Variants in COL11A1 observed in about 807,000 individuals in gnomAD.
COL11A1 encodes the protein collagen alpha-1(XI) chain.
A neutral mutation model predicts 265.2 loss-of-function variants in COL11A1; 74 were observed. The observed-to-expected ratio is 0.28, with a 90% CI of 0.23 to 0.34. The LOEUF is 0.34. COL11A1 is among the 10% of genes least tolerant of loss of function. The pLI is 1.00. For synonymous variants in COL11A1, 816 were observed against 727.6 expected (o/e 1.12, Z -1.96); for missense variants, 2,165 against 2,263.6 (o/e 0.96, Z 0.88).
chr1:103,031,060 C>A (rs761749119), intron 5 of COL11A1, 56 bp downstream of exon 5: 1 of 1,590,424 alleles, frequency 6.3e-7, no homozygotes, highest in Non-Finnish European at 8.6e-7. Flanking sequence ...AAAAACTGCA[C>A]TGCGATGTCC....
chr1:102,981,679 T>C (rs747732107), intron 31 of COL11A1, among the ~76,000 whole-genome samples: 6 of 151,946 alleles, frequency 3.9e-5, no homozygotes, highest in Non-Finnish European at 8.8e-5. Flanking sequence ...CGTTTTTATA[T>C]GGAAACACAC....
chr1:103,039,220 C>G (rs1233432687), intron 4 of COL11A1, among the ~76,000 whole-genome samples: 1 of 152,146 alleles, frequency 6.6e-6, no homozygotes, highest in Non-Finnish European at 1.5e-5. Context: ...TTTCAAGAAT[C>G]AATAATAATT....
At chr1:102,969,138 T>C (rs1258908009) in intron 37 of COL11A1, among the ~76,000 whole-genome samples, 1 of 152,178 alleles carries the variant, frequency 6.6e-6, no homozygotes, top group Non-Finnish European at 1.5e-5. Flanking sequence ...AAATCATATT[T>C]CAATTTTGCT....
chr1:102,997,022 G>T, intron 26 of COL11A1, 58 bp downstream of exon 26: 1 of 1,423,916 alleles, frequency 7.0e-7, no homozygotes, highest in Non-Finnish European at 9.9e-7. Flanking sequence ...ACCAAATTAA[G>T]GCATTTTCTC....
Position 103,108,171 on chromosome 1 carries a change from G to T in COL11A1, c.8C>A (p.Pro3Gln). The T allele has an allele frequency of 1.9e-6, 3 of 1,613,516 alleles. No homozygotes were observed. Among genetic ancestry groups the T allele is most frequent in the East Asian group, 2.2e-5 (1 of 44,820 alleles). The change falls in exon 1 of 67, where the codon CCG becomes CAG. Residue 3 changes from proline (P) to glutamine (Q), a missense_variant. Physicochemically the swap from Pro to Gln is moderately conservative, Grantham distance 76 (BLOSUM62 -1). Coordinates refer to ENST00000370096, the MANE Select transcript of COL11A1 (RefSeq NM_001854.4). ...TTTCGTTTTCCACCTAGAGGACCAC[G>T]GCTCCATCTCCGAGCCCCGCACTCA... ME[P>Q]WSSRWKTKRW...
intron 35 of COL11A1, among the ~76,000 whole-genome samples, chr1:102,978,459 A>G (rs552257258): frequency 6.6e-6 from 1 of 152,316 alleles, no homozygotes; most frequent in Non-Finnish European, 1.5e-5. Context: ...TGTCTTGACT[A>G]TAAGAGTGAT....
chr1:103,089,807 C>A (rs1482819857), intron 1 of COL11A1, among the ~76,000 whole-genome samples: 2 of 152,168 alleles, frequency 1.3e-5, no homozygotes, highest in Admixed American at 6.5e-5. Flanking sequence ...TTGTTTGTTG[C>A]CATTGTTTGA....
Position 102,923,403 on chromosome 1 carries a change from A to G in COL11A1, c.3601-14T>C. On this transcript the variant is annotated splice_polypyrimidine_tract_variant and intron_variant, in intron 46 of 66. Coordinates refer to ENST00000370096, the MANE Select transcript of COL11A1 (RefSeq NM_001854.4). ...GCCTGGCAGACCCTAAGAAAATATA[A>G]TAGAAAAATAATAAAAGTCACTGAT... 6.4e-7 allele frequency: 1 copy of G among 1,574,708 alleles called. No homozygotes were observed.
In COL11A1 at chr1:103,008,494, G is replaced by A; in HGVS notation, c.1652C>T (p.Ala551Val). ...ACCTGGATCACCACTCTCACCTTTGGCCCCAGATGAACCAGGCCCCCCCTA... is the reference window on the plus strand; with the variant it reads ...ACCTGGATCACCACTCTCACCTTTGACCCCAGATGAACCAGGCCCCCCCTA... ...GPVGGPGSSG[A>V]KGESGDPGPQ... is the part of the protein sequence containing the mutation. Residue 551 changes from alanine to valine, a missense_variant, in exon 15 of 67, where the codon GCC (alanine) becomes GTC (valine). Physicochemically the swap from Ala to Val is moderately conservative, Grantham distance 64. Coordinates refer to ENST00000370096, the MANE Select transcript of COL11A1 (RefSeq NM_001854.4). The A allele has an allele frequency of 6.2e-7, 1 of 1,613,576 alleles. No homozygotes were observed. The highest frequency in any genetic ancestry group is 8.5e-7 in the Non-Finnish European group (1 of 1,179,798).
chr1:103,083,549 TG>T (rs1370515318), intron 1 of COL11A1, among the ~76,000 whole-genome samples: 2 of 152,140 alleles, frequency 1.3e-5, no homozygotes. Flanking sequence ...TTAGTCATTT[TG>T]TATACACAAG....
intron 37 of COL11A1, among the ~76,000 whole-genome samples, chr1:102,966,794 C>G (rs963572816): frequency 5.9e-5 from 9 of 152,134 alleles, no homozygotes; most frequent in Non-Finnish European, 1.3e-4. Flanking sequence ...CAATTGCCAT[C>G]TCTATGCTGA....
At chr1:102,882,030 G>A (rs1335638494) in intron 64 of COL11A1, among the ~76,000 whole-genome samples, 1 of 152,022 alleles carries the variant, frequency 6.6e-6, no homozygotes, top group East Asian at 1.9e-4. Flanking sequence ...AAGACAACCG[G>A]GTATAGGCAT....
chr1:103,054,755 G>C (rs1166192857), intron 4 of COL11A1, among the ~76,000 whole-genome samples: 1 of 152,030 alleles, frequency 6.6e-6, no homozygotes, highest in Admixed American at 6.6e-5. Context: ...TACAAAATTA[G>C]CCAGGCATGG....
chr1:103,028,569 CAA>C (rs1243300156), intron 5 of COL11A1, among the ~76,000 whole-genome samples: 1 of 152,042 alleles, frequency 6.6e-6, no homozygotes, highest in East Asian at 1.9e-4. Context: ...ATCAATCAGA[CAA>C]ATATATGCAA....
rs141582304 is a variant in COL11A1 at position 102,970,807 on chromosome 1, G to A, written c.2809-535C>T. ...GAGGCGGGAGGATCAAGAGGTCAGA[G>A]GATCAAGACCATTCTGACCAACATG... is the stretch of plus-strand genomic sequence containing the variant. On this transcript the variant is annotated intron_variant, in intron 36 of 66. Transcript: ENST00000370096. 1.4e-3 allele frequency among the ~76,000 whole-genome samples: 218 copies of A among 151,988 alleles called. 1 individual carries two copies. Among genetic ancestry groups the A allele is most frequent in the African/African-American group, 5.1e-3 (210 of 41,450 alleles).
chr1:102,944,515 A>G lies in COL11A1; in HGVS notation c.3276+2334T>C, dbSNP rs532748409. Among the ~76,000 whole-genome samples, 10 of 152,218 alleles carry G rather than the reference A, an allele frequency of 6.6e-5. No homozygotes were observed. The East Asian group carries it at 1.9e-3, about 29-fold the overall frequency. On this transcript the variant is annotated intron_variant, in intron 42 of 66. Transcript: ENST00000370096. Reference sequence around the variant, plus strand: ...CTGAAAGAGGATGGGGAAGCAAGGCATTCCCTTTTCCCTTCTCTAGTTATG... The same window carrying G: ...CTGAAAGAGGATGGGGAAGCAAGGCGTTCCCTTTTCCCTTCTCTAGTTATG...
In COL11A1 at chr1:102,965,508, T is replaced by G; in HGVS notation, c.2895A>C (p.Pro965=). The G allele has an allele frequency of 6.2e-7, 1 of 1,613,702 alleles. No individual in the cohort carries two copies. Among genetic ancestry groups the G allele is most frequent in the South Asian group, 1.1e-5 (1 of 91,066 alleles). The change falls in exon 38 of 67, where the codon CCA becomes CCC. Residue 965 remains proline, a synonymous_variant. Coordinates refer to ENST00000370096, the MANE Select transcript of COL11A1 (RefSeq NM_001854.4). ...ATACCTGTGGTCCAACCACTCCCCC[T>G]GGCCCAGGAGGGCCGGTCTTGCCTT... ...GFQGKTGPPG[P]GGVVGPQGPT...
At chr1:103,075,456 CAT>C (rs775580481) in intron 3 of COL11A1, among the ~76,000 whole-genome samples, 94 of 152,146 alleles carry the variant, frequency 6.2e-4, no homozygotes, top group Non-Finnish European at 7.4e-4. Context: ...TGAAAGAAAA[CAT>C]AGTCAACGCA....
intron 2 of COL11A1, among the ~76,000 whole-genome samples, chr1:103,080,156 T>C (rs1474963554): frequency 1.3e-5 from 2 of 151,896 alleles, no homozygotes; most frequent in African/African-American, 4.8e-5. Flanking sequence ...GTGGAAATTA[T>C]TAAAACATAT....
Sources: gnomAD v4.1 joint callset for allele counts (sites outside exome capture counted in the v4.1 genomes callset) on GRCh38, gnomAD v4.1.1 for gene constraint, MANE v1.5 for transcripts, NCBI Gene and HGNC (gene_info 2026-07-23, HGNC 2026-07-21) for gene names.